CEP44: variants seen among roughly 807,000 people sequenced by gnomAD.
CEP44 encodes the protein centrosomal protein 44.
Under a neutral mutation model 46.7 loss-of-function variants are expected in CEP44, and 45 were observed. That is an observed-to-expected ratio of 0.96 (90% CI 0.76 to 1.24). The LOEUF is 1.24. Ranked by LOEUF, CEP44 falls within the 50% of genes most tolerant of loss-of-function variation. The pLI, the probability that CEP44 is intolerant of heterozygous loss-of-function variation, is 0.00. For synonymous variants in CEP44, 142 were observed against 146.0 expected, an observed-to-expected ratio of 0.97 and a Z score of 0.20; for missense variants, 475 against 459.7, an observed-to-expected ratio of 1.03 and a Z score of -0.30.
chr4:174,303,395 A>G (rs1345870256), intron 4 of CEP44, among the ~76,000 whole-genome samples: 1 of 152,180 alleles, frequency 6.6e-6, no homozygotes, highest in Admixed American at 6.5e-5. Flanking sequence ...CTAGTGAACT[A>G]AGAAGTTTTT....
At chr4:174,332,060 T>A in exon 9 of CEP44, 3 of 153,718 alleles carry the variant, frequency 2.0e-5, no homozygotes. Context: ...TTCTTCCCAA[T>A]GTCTATTAAG....
rs1461024580 is a variant in CEP44 at position 174,325,468 on chromosome 4, A to G, written c.1087-6014A>G. Among the ~76,000 whole-genome samples the G allele has an allele frequency of 6.6e-6, 1 of 152,092 alleles. No homozygotes were observed. The highest frequency in any genetic ancestry group is 1.5e-5 in the Non-Finnish European group (1 of 68,008). ...CAGAAGTTCAAGACCAGCCTGGTCA[A>G]TATAGCCAGATCCTGTCTCTACAAA... On this transcript the variant is annotated intron_variant, in intron 8 of 8. Transcript: ENST00000426172. The surrounding 1 kb of genome is among the most constrained non-coding windows in gnomAD (Gnocchi z 4.4).
Position 174,309,833 on chromosome 4 carries a change from C to T in CEP44, c.679-17C>T, listed in dbSNP as rs1740863222. ...CAGTTTGTTTAATTTTATTTTTAAT[C>T]TCTCTAACCTTTTTAGGATGTAAAT... On this transcript the variant is annotated splice_polypyrimidine_tract_variant and intron_variant, in intron 7 of 11. Coordinates refer to ENST00000503780, the MANE Select transcript of CEP44 (RefSeq NM_001040157.3). The surrounding 1 kb of genome is among the most constrained non-coding windows in gnomAD (Gnocchi z 5.3). 1.1e-5 allele frequency: 16 copies of T among 1,498,336 alleles called. No individual in the cohort carries two copies. Among genetic ancestry groups the T allele is most frequent in the Middle Eastern group, 1.8e-4 (1 of 5,592 alleles). The allele number at this position is 1,498,336 out of a possible 1,614,324, so 92.8% of individuals were successfully genotyped here. A position where few individuals can be genotyped will look rare whatever the true frequency, so the allele number is the denominator to read the frequency against.
intron 6 of CEP44, among the ~76,000 whole-genome samples, chr4:174,305,609 G>A (rs1000226578): frequency 1.3e-5 from 2 of 152,174 alleles, no homozygotes; most frequent in African/African-American, 4.8e-5. Context: ...ATAAGTGCAT[G>A]TAGTTTTTGT....
intron 1 of CEP44, among the ~76,000 whole-genome samples, chr4:174,284,629 T>A (rs1378333936): frequency 6.6e-6 from 1 of 152,208 alleles, no homozygotes. Flanking sequence ...TCCCGAATTA[T>A]CTGCAGACCT....
At chr4:174,315,836 G>A (rs1480924546) in intron 9 of CEP44, among the ~76,000 whole-genome samples, 18 of 99,162 alleles carry the variant, frequency 1.8e-4, no homozygotes, top group Admixed American at 1.1e-3. Context: ...GCGAGACTCC[G>A]TCTCAAAAAA....
At chr4:174,304,732 T>G (rs1436632546) in intron 6 of CEP44, among the ~76,000 whole-genome samples, 1 of 152,226 alleles carries the variant, frequency 6.6e-6, no homozygotes, top group Non-Finnish European at 1.5e-5. Flanking sequence ...TTAGCAGTAG[T>G]GATAGGTTAT....
Position 174,310,496 on chromosome 4 carries a change from C to T in CEP44, c.886-287C>T, listed in dbSNP as rs1740958951. ...TTCATAGAATAGTTACCAGATTTAC[C>T]ATTGCCTTATCAAATCTGAGAAATT... On this transcript the variant is annotated intron_variant, in intron 8 of 11. Transcript: ENST00000503780. The surrounding 1 kb of genome is among the most constrained non-coding windows in gnomAD (Gnocchi z 4.2). Among the ~76,000 whole-genome samples the T allele has an allele frequency of 6.6e-6, 1 of 151,742 alleles. No homozygotes were observed. The highest frequency in any genetic ancestry group is 2.4e-5 in the African/African-American group (1 of 41,340).
At chr4:174,321,990 C>G (rs1376104211), downstream of CEP44, among the ~76,000 whole-genome samples, 1 of 152,032 alleles carries the variant, frequency 6.6e-6, no homozygotes, top group Non-Finnish European at 1.5e-5. Flanking sequence ...TTTAAGTAAG[C>G]TTTGATTTAC....
intron 3 of CEP44, among the ~76,000 whole-genome samples, chr4:174,300,950 ATTTT>A (rs927910875): frequency 6.7e-6 from 1 of 149,512 alleles, no homozygotes; most frequent in African/African-American, 2.5e-5. Flanking sequence ...GTTCAAAGGT[ATTTT>A]TTTTTTCATT....
intron 6 of CEP44, among the ~76,000 whole-genome samples, chr4:174,306,146 A>G (rs761669088): frequency 6.6e-6 from 1 of 152,214 alleles, no homozygotes; most frequent in Non-Finnish European, 1.5e-5. Flanking sequence ...ATATGTTTTT[A>G]TAGTGTGTAT....
At chr4:174,284,079 C>A in intron 1 of CEP44, 136 bp downstream of exon 1, 1 of 399,012 alleles carries the variant, frequency 2.5e-6, no homozygotes, top group South Asian at 1.3e-4. Flanking sequence ...TGCATATGCT[C>A]CGTTTTCCTC....
In CEP44 at chr4:174,310,187, A is replaced by C. The variant is rs920079618; in HGVS notation, c.885+131A>C. On this transcript the variant is annotated intron_variant, in intron 8 of 11. Coordinates refer to ENST00000503780, the MANE Select transcript of CEP44 (RefSeq NM_001040157.3). The surrounding 1 kb of genome is among the most constrained non-coding windows in gnomAD (Gnocchi z 4.2). Reference sequence around the variant, plus strand: ...AATAATGAGAAAATGTCTAGTTAGAATGAAGTCCTGTTTAAATATAGCCTG... The same window carrying C: ...AATAATGAGAAAATGTCTAGTTAGACTGAAGTCCTGTTTAAATATAGCCTG... 1.9e-5 allele frequency: 15 copies of C among 807,354 alleles called. No individual in the cohort carries two copies. The African/African-American group carries it at 2.6e-4, about 14-fold the overall frequency. 50.0% of individuals were successfully genotyped at this position (807,354 alleles called of 1,614,324 possible).
chr4:174,295,926 T>A (rs1037408325), intron 1 of CEP44, among the ~76,000 whole-genome samples: 50 of 152,338 alleles, frequency 3.3e-4, no homozygotes, highest in Admixed American at 2.5e-3. Context: ...TTCTTTCAAG[T>A]GCTTTTTCTA....
At position 174,311,777 on chromosome 4, in the gene CEP44, A is replaced by C. The variant is rs992665492; in HGVS notation, c.961+919A>C. Reference sequence around the variant, plus strand: ...TCACACAGTTATTGAATTGTAGATCAAATTTGAATCCAGGCAACTGATCTG... The same window carrying C: ...TCACACAGTTATTGAATTGTAGATCCAATTTGAATCCAGGCAACTGATCTG... On this transcript the variant is annotated intron_variant, in intron 9 of 11. Coordinates refer to ENST00000503780, the MANE Select transcript of CEP44 (RefSeq NM_001040157.3). The surrounding 1 kb of genome is among the most constrained non-coding windows in gnomAD (Gnocchi z 4.4). 6.6e-6 allele frequency among the ~76,000 whole-genome samples: 1 copy of C among 152,194 alleles called. No homozygotes were observed. The highest frequency in any genetic ancestry group is 1.5e-5 in the Non-Finnish European group (1 of 68,018).
Position 174,297,049 on chromosome 4 carries a change from T to A in CEP44, c.-147-917T>A, listed in dbSNP as rs554691754. Among the ~76,000 whole-genome samples the A allele has an allele frequency of 2.0e-5, 3 of 152,040 alleles. No individual in the cohort carries two copies. Among genetic ancestry groups the A allele is most frequent in the African/African-American group, 7.2e-5 (3 of 41,390 alleles). On this transcript the variant is annotated intron_variant, in intron 1 of 11. Coordinates refer to ENST00000503780, the MANE Select transcript of CEP44 (RefSeq NM_001040157.3). This position sits in a 1 kb window ranked among gnomAD's most constrained non-coding sequence, Gnocchi z 4.3. The stretch of plus-strand genomic sequence containing the variant: ...TATAACTGTTCCTGCTTTCTTTTGA[T>A]TAATGTTAGCATGGTATATTTTTCC...
Position 174,319,216 on chromosome 4 carries a change from T to C in CEP44, c.*1833T>C. The C allele has an allele frequency of 1.0e-6, 1 of 970,734 alleles. No individual in the cohort carries two copies. The highest frequency in any genetic ancestry group is 1.2e-6 in the Non-Finnish European group (1 of 816,538). 60.1% of individuals were successfully genotyped at this position (970,734 alleles called of 1,614,324 possible). A position where few individuals can be genotyped will look rare whatever the true frequency, so the allele number is the denominator to read the frequency against. Reference sequence around the variant, plus strand: ...GAGTTTCAGTAAATATTTCCAGAATTAATGAAGCATGTTAGCTTTAATTTT... The same window carrying C: ...GAGTTTCAGTAAATATTTCCAGAATCAATGAAGCATGTTAGCTTTAATTTT... On this transcript the variant is annotated 3_prime_UTR_variant, in exon 12 of 12. Coordinates refer to ENST00000503780, the MANE Select transcript of CEP44 (RefSeq NM_001040157.3).
Position 174,317,709 on chromosome 4 carries a change from C to T in CEP44, c.*326C>T. 1 of 995,674 alleles carries T rather than the reference C, an allele frequency of 1.0e-6. No individual in the cohort carries two copies. The highest frequency in any genetic ancestry group is 1.2e-6 in the Non-Finnish European group (1 of 836,538). 61.7% of individuals were successfully genotyped at this position (995,674 alleles called of 1,614,324 possible). On this transcript the variant is annotated 3_prime_UTR_variant, in exon 12 of 12. Transcript: ENST00000503780. Reference sequence around the variant, plus strand: ...GTGTGCTAAGTAATGTTTTTTAAAGCACAGGCTTGAGGACTATGGTTTACA... The same window carrying T: ...GTGTGCTAAGTAATGTTTTTTAAAGTACAGGCTTGAGGACTATGGTTTACA...
At position 174,331,943 on chromosome 4, in the gene CEP44, ATTAAT is replaced by A. The variant is rs939975525; in HGVS notation, c.*353_*357del. 1.6e-4 allele frequency: 31 copies of A among 194,496 alleles called. No individual in the cohort carries two copies. The highest frequency in any genetic ancestry group is 6.9e-4 in the African/African-American group (30 of 43,236). 12.0% of individuals were successfully genotyped at this position (194,496 alleles called of 1,614,324 possible). A position where few individuals can be genotyped will look rare whatever the true frequency, so the allele number is the denominator to read the frequency against. ...TCTTAAAACAGAAGCTCTCTCCTTC[ATTAAT>A]TTAAATATTTTTATCGGCTCTAGAA... On this transcript the variant is annotated 3_prime_UTR_variant, in exon 9 of 9. Transcript: ENST00000426172. This position sits in a 1 kb window ranked among gnomAD's most constrained non-coding sequence, Gnocchi z 4.5.
Sources: allele counts gnomAD v4.1 joint callset (sites outside exome capture counted in the v4.1 genomes callset), GRCh38; gene constraint gnomAD v4.1.1; non-coding constraint Gnocchi (gnomAD v3.1); transcripts MANE v1.5; gene names NCBI Gene and HGNC (gene_info 2026-07-23, HGNC 2026-07-21).